The following FBXO25 variants were observed in gnomAD, a reference collection of about 807,000 sequenced individuals.
FBXO25 encodes the protein F-box only protein 25.
Under a neutral mutation model 51.9 loss-of-function variants are expected in FBXO25, and 45 were observed. The ratio of observed to expected loss-of-function variants is 0.87; its 90% confidence interval spans 0.68 to 1.11. The LOEUF is 1.11. Among genes scored for constraint, FBXO25 ranks in the 50% most tolerant of loss-of-function variants. The pLI is 0.00. For synonymous variants in FBXO25, 199 were observed against 151.0 expected (o/e 1.32, Z -2.33); for missense variants, 507 against 428.5 (o/e 1.18, Z -1.62).
At chr8:453,484 A>C (rs1402623687) in intron 7 of FBXO25, among the ~76,000 whole-genome samples, 1 of 152,084 alleles carries the variant, frequency 6.6e-6, no homozygotes, top group Non-Finnish European at 1.5e-5. Flanking sequence ...ATGTTACTTG[A>C]AACCAGTAGA....
At chr8:462,009 A>T (rs565300967) in intron 8 of FBXO25, among the ~76,000 whole-genome samples, 1 of 152,318 alleles carries the variant, frequency 6.6e-6, no homozygotes, top group South Asian at 2.1e-4. Flanking sequence ...TCTTGGTTAT[A>T]AACCTAGGAG....
At chr8:436,758 G>T (rs1376352454) in intron 5 of FBXO25, among the ~76,000 whole-genome samples, 6 of 152,232 alleles carry the variant, frequency 3.9e-5, no homozygotes, top group Admixed American at 3.9e-4. Context: ...AGAGAGGTCT[G>T]TTTAGCAGTA....
At chr8:425,251 T>A (rs1797402431) in intron 2 of FBXO25, among the ~76,000 whole-genome samples, 1 of 152,170 alleles carries the variant, frequency 6.6e-6, no homozygotes, top group African/African-American at 2.4e-5. Flanking sequence ...AAGTGTATAT[T>A]CCTAGACACT....
chr8:438,366 T>G (rs1798225167), intron 5 of FBXO25, among the ~76,000 whole-genome samples: 1 of 152,224 alleles, frequency 6.6e-6, no homozygotes, highest in African/African-American at 2.4e-5. Flanking sequence ...GCCTGTATCT[T>G]TCAACTAATG....
chr8:426,030 G>C (rs1359504749), intron 2 of FBXO25, among the ~76,000 whole-genome samples: 1 of 151,808 alleles, frequency 6.6e-6, no homozygotes, highest in East Asian at 1.9e-4. Flanking sequence ...CACATCTTCT[G>C]CCCGCCTCTA....
intron 7 of FBXO25, among the ~76,000 whole-genome samples, chr8:452,893 C>T (rs1200211701): frequency 1.3e-5 from 2 of 152,192 alleles, no homozygotes; most frequent in Non-Finnish European, 2.9e-5. Flanking sequence ...AGCAGGAAGG[C>T]ATGGCTGTAT....
intron 5 of FBXO25, among the ~76,000 whole-genome samples, chr8:436,545 C>T (rs1375181142): frequency 6.6e-6 from 1 of 152,194 alleles, no homozygotes; most frequent in Non-Finnish European, 1.5e-5. Flanking sequence ...CTTACAACTC[C>T]TGTTGTGCTG....
chr8:451,147 G>C (rs1799061153), intron 6 of FBXO25, 122 bp from the exon 7 acceptor site: 9 of 742,106 alleles, frequency 1.2e-5, no homozygotes, highest in Non-Finnish European at 1.9e-5. Flanking sequence ...TCTATTGCAT[G>C]TATAGATCAC....
At chr8:459,697 G>A (rs1413658838) in intron 8 of FBXO25, among the ~76,000 whole-genome samples, 2 of 152,218 alleles carry the variant, frequency 1.3e-5, no homozygotes, top group Admixed American at 6.5e-5. Context: ...GCCTCACGGA[G>A]TGTGTCTGAG....
Position 461,807 on chromosome 8 carries a change from G to A in FBXO25, c.844-1200G>A, listed in dbSNP as rs181154570. Among the ~76,000 whole-genome samples, 68 of 152,170 alleles carry A rather than the reference G, an allele frequency of 4.5e-4. No individual in the cohort carries two copies. In the East Asian group the frequency reaches 7.5e-3, roughly 17 times the overall value. On this transcript the variant is annotated intron_variant, in intron 8 of 9. Transcript: ENST00000350302. ...CTTACCCTTTGCATGATGTCCTTAC[G>A]GCTCCATGTTGTAGAATAAATCAGA...
chr8:462,420 T>C (rs1799874507), intron 8 of FBXO25, among the ~76,000 whole-genome samples: 1 of 151,982 alleles, frequency 6.6e-6, no homozygotes. Flanking sequence ...TTATTTTAAT[T>C]TAATAATACA....
intron 5 of FBXO25, among the ~76,000 whole-genome samples, chr8:440,466 G>A (rs561118216): frequency 5.3e-5 from 8 of 152,314 alleles, no homozygotes; most frequent in East Asian, 3.9e-4. Context: ...GACCAAAAAC[G>A]TAGCTGTCCT....
In FBXO25 at chr8:450,081, A is replaced by T; in HGVS notation, c.473A>T (p.Lys158Met). 6.2e-7 allele frequency: 1 copy of T among 1,604,936 alleles called. No individual in the cohort carries two copies. The highest frequency in any genetic ancestry group is 8.5e-7 in the Non-Finnish European group (1 of 1,173,352). ...AACATTTTGGATAAAATCGTTCAAA[A>T]GGGTAAGATGATCACTGTATTTTTA... The part of the protein sequence containing the change: ...YFNILDKIVQ[K>M]VLDDHHNPRL... Residue 158 changes from lysine to methionine, a missense_variant and splice_region_variant, in exon 6 of 10, where the codon AAG becomes ATG. Lys to Met is a moderately conservative substitution (Grantham distance 95, BLOSUM62 -1). Transcript: ENST00000350302.
At chr8:439,597 T>A (rs944023378) in intron 5 of FBXO25, among the ~76,000 whole-genome samples, 1 of 152,214 alleles carries the variant, frequency 6.6e-6, no homozygotes, top group Non-Finnish European at 1.5e-5. Flanking sequence ...TTTTTATGTT[T>A]TCATTTGCTT....
At chr8:426,093 G>T (rs937145117) in intron 2 of FBXO25, among the ~76,000 whole-genome samples, 2 of 152,036 alleles carry the variant, frequency 1.3e-5, no homozygotes, top group African/African-American at 2.4e-5. Context: ...GTTAACCATG[G>T]CATGCTGCAC....
intron 9 of FBXO25, among the ~76,000 whole-genome samples, chr8:467,194 G>T (rs1331729364): frequency 6.6e-6 from 1 of 152,182 alleles, no homozygotes; most frequent in Non-Finnish European, 1.5e-5. Context: ...GCTTGGGTCT[G>T]TGTTGGAAAG....
intron 5 of FBXO25, among the ~76,000 whole-genome samples, chr8:437,995 T>C (rs1489113807): frequency 6.6e-6 from 1 of 150,704 alleles, no homozygotes; most frequent in Non-Finnish European, 1.5e-5. Flanking sequence ...AAGGTTTCCT[T>C]TTTTTCTAAT....
rs1015959429 is a variant in FBXO25 at position 475,167 on chromosome 8, G to A, written c.*6363G>A. On this transcript the variant is annotated 3_prime_UTR_variant, in exon 10 of 10. Coordinates refer to ENST00000350302, the MANE Select transcript of FBXO25 (RefSeq NM_183420.2). ...GAGGTAGATCTAGCTTCATGTGGAT[G>A]TCCACTTGTCTAGCACCATTTGTTG... 1 of 346,468 alleles carries A rather than the reference G, an allele frequency of 2.9e-6. No homozygotes were observed. Among genetic ancestry groups the A allele is most frequent in the Admixed American group, 4.5e-5 (1 of 22,396 alleles). The allele number at this position is 346,468 out of a possible 1,614,324, so 21.5% of individuals were successfully genotyped here.
intron 8 of FBXO25, among the ~76,000 whole-genome samples, chr8:461,237 A>G (rs1799789426): frequency 6.6e-6 from 1 of 152,222 alleles, no homozygotes; most frequent in Non-Finnish European, 1.5e-5. Context: ...TGCAGCCATC[A>G]CTACAGTCGA....
Sources: gnomAD v4.1 joint callset for allele counts (sites outside exome capture counted in the v4.1 genomes callset) on GRCh38, gnomAD v4.1.1 for gene constraint, MANE v1.5 for transcripts, NCBI Gene and HGNC (gene_info 2026-07-23, HGNC 2026-07-21) for gene names.